CUX1: variants seen among roughly 807,000 people sequenced by gnomAD.
CUX1 encodes the protein protein CASP.
CUX1 carries 31 observed loss-of-function variants against 158.8 expected under a neutral mutation model. The observed-to-expected ratio is 0.20, with a 90% CI of 0.15 to 0.26. The LOEUF (loss-of-function observed/expected upper bound fraction) is 0.26, where lower values mean the gene tolerates loss of function less well. Among genes scored for constraint, CUX1 ranks in the 10% least tolerant of loss-of-function variants. CUX1 has a pLI of 1.00. For missense variants in CUX1, 1,589 were observed against 2,014.6 expected, an observed-to-expected ratio of 0.79 and a Z score of 4.04; for synonymous variants, 879 against 862.1, an observed-to-expected ratio of 1.02 and a Z score of -0.34.
chr7:102,152,170 C>A (rs1226631038), intron 8 of CUX1, among the ~76,000 whole-genome samples: 4 of 152,114 alleles, frequency 2.6e-5, no homozygotes, highest in Non-Finnish European at 4.4e-5. Flanking sequence ...TGTAAGACCC[C>A]TGTCTCTAAA....
At chr7:102,038,909 C>T (rs1195749339) in intron 3 of CUX1, among the ~76,000 whole-genome samples, 1 of 152,074 alleles carries the variant, frequency 6.6e-6, no homozygotes, top group Non-Finnish European at 1.5e-5. Flanking sequence ...AGCAACACTG[C>T]ACCCCAGCCT....
At chr7:102,242,041 GCA>G (rs1163624024) in intron 23 of CUX1, among the ~76,000 whole-genome samples, 2 of 152,164 alleles carry the variant, frequency 1.3e-5, no homozygotes, top group African/African-American at 4.8e-5. Flanking sequence ...CAAAACAGAG[GCA>G]GAGGGAGGCC....
intron 22 of CUX1, among the ~76,000 whole-genome samples, chr7:102,238,610 C>T (rs969749765): frequency 1.3e-5 from 2 of 152,276 alleles, no homozygotes; most frequent in Admixed American, 6.5e-5. Flanking sequence ...CAGCTTGTGT[C>T]CTCGGTCTCT....
At chr7:101,844,929 T>C (rs750055118) in intron 1 of CUX1, among the ~76,000 whole-genome samples, 3 of 152,204 alleles carry the variant, frequency 2.0e-5, no homozygotes, top group Non-Finnish European at 4.4e-5. Flanking sequence ...CTTTATTCTT[T>C]AATGTCACCA....
chr7:101,922,755 G>T (rs1483175817), intron 2 of CUX1, among the ~76,000 whole-genome samples: 2 of 152,218 alleles, frequency 1.3e-5, no homozygotes, highest in African/African-American at 4.8e-5. Context: ...CTGGCCTTGG[G>T]CTGGGTGCTG....
In CUX1 at chr7:102,250,644, C is replaced by T. The variant is rs1392335304; in HGVS notation, c.*1602C>T. ...CTTCAACTTCCAAACCTACCATTTG[C>T]CCTTCTTTCATTTCGCCTCTTAGTT... On this transcript the variant is annotated 3_prime_UTR_variant, in exon 24 of 24. Transcript: ENST00000292535. 1.0e-6 allele frequency: 1 copy of T among 985,296 alleles called. No individual in the cohort carries two copies. Among genetic ancestry groups the T allele is most frequent in the African/African-American group, 1.7e-5 (1 of 57,208 alleles). The allele number at this position is 985,296 out of a possible 1,614,324, so 61.0% of individuals were successfully genotyped here. A position where few individuals can be genotyped will look rare whatever the true frequency, so the allele number is the denominator to read the frequency against.
chr7:102,203,812 T>C (rs1467040909), intron 18 of CUX1, among the ~76,000 whole-genome samples: 2 of 152,102 alleles, frequency 1.3e-5, no homozygotes, highest in East Asian at 3.9e-4. Context: ...TCGGCAATCA[T>C]CTGCGGCGGA....
At position 102,249,122 on chromosome 7, in the gene CUX1, A is replaced by ACCGTGGCCTGGGCTTGGC. The variant is rs1801190965; in HGVS notation, c.*84_*101dup. The ACCGTGGCCTGGGCTTGGC allele has an allele frequency of 8.5e-7, 1 of 1,176,240 alleles. No individual in the cohort carries two copies. Among genetic ancestry groups the ACCGTGGCCTGGGCTTGGC allele is most frequent in the South Asian group, 3.9e-5 (1 of 25,366 alleles). The allele number at this position is 1,176,240 out of a possible 1,614,324, so 72.9% of individuals were successfully genotyped here. ...GTCGGACGGGGCAGGCGCTGCGGAC[A>ACCGTGGCCTGGGCTTGGC]CCGTGGCCTGGGCTTGGCCCGCGGC... On this transcript the variant is annotated 3_prime_UTR_variant, in exon 24 of 24. Transcript: ENST00000292535.
intron 1 of CUX1, among the ~76,000 whole-genome samples, chr7:101,897,207 C>T (rs1801612214): frequency 1.3e-5 from 2 of 152,260 alleles, no homozygotes; most frequent in African/African-American, 4.8e-5. Context: ...TGGATGACAG[C>T]GCAGAGTTTT....
rs568272174 is a variant in CUX1 at position 101,862,639 on chromosome 7, A to G, written c.30+44970A>G. The stretch of plus-strand genomic sequence containing the variant: ...TATAAAAAGGTGGGATTTCACACTG[A>G]CATAATTTACATCGAGGGACATATT... On this transcript the variant is annotated intron_variant, in intron 1 of 23. Coordinates refer to ENST00000292535, the MANE Select transcript of CUX1 (RefSeq NM_181552.4). Among the ~76,000 whole-genome samples the G allele has an allele frequency of 2.4e-3, 362 of 152,258 alleles. 1 individual carries two copies. Among genetic ancestry groups the G allele is most frequent in the African/African-American group, 8.3e-3 (343 of 41,554 alleles).
intron 1 of CUX1, among the ~76,000 whole-genome samples, chr7:101,842,836 G>T (rs1795306014): frequency 2.9e-5 from 4 of 139,180 alleles, no homozygotes; most frequent in African/African-American, 5.3e-5. Context: ...TGTTTTTCAT[G>T]TTAAATTCTA....
chr7:102,047,827 T>A (rs1343942385), intron 3 of CUX1, among the ~76,000 whole-genome samples: 1 of 152,152 alleles, frequency 6.6e-6, no homozygotes, highest in Admixed American at 6.5e-5. Flanking sequence ...GTTCCATCAA[T>A]TTAATGCAGT....
At chr7:102,245,538 G>T (rs187514498) in intron 23 of CUX1, among the ~76,000 whole-genome samples, 1 of 152,138 alleles carries the variant, frequency 6.6e-6, no homozygotes. Context: ...CACAAACAGC[G>T]GCTGGATAGG....
rs1276983841 is a variant in CUX1 at position 102,254,010 on chromosome 7, G to C, written c.*4968G>C. On this transcript the variant is annotated 3_prime_UTR_variant, in exon 24 of 24. Transcript: ENST00000292535. ...AACTGTGAGGCACGTGGGCTGGAGA[G>C]AGCAGAAAAGCTGCCAGCGCAGCAG... The C allele has an allele frequency of 2.0e-6, 2 of 985,370 alleles. No homozygotes were observed. The highest frequency in any genetic ancestry group is 3.5e-5 in the African/African-American group (2 of 57,232). 61.0% of individuals were successfully genotyped at this position (985,370 alleles called of 1,614,324 possible). A position where few individuals can be genotyped will look rare whatever the true frequency, so the allele number is the denominator to read the frequency against.
chr7:102,043,323 CTG>C (rs57276921), intron 3 of CUX1, among the ~76,000 whole-genome samples: 11,640 of 138,966 alleles, frequency 0.084, 530 homozygotes, highest in African/African-American at 0.14. Flanking sequence ...CATTAGCTCA[CTG>C]TGTGTGTGTG....
rs912924583 is a variant in CUX1 at position 102,253,759 on chromosome 7, G to A, written c.*4717G>A. 16 of 985,464 alleles carry A rather than the reference G, an allele frequency of 1.6e-5. No homozygotes were observed. The highest frequency in any genetic ancestry group is 4.7e-5 in the South Asian group (1 of 21,292). The allele number at this position is 985,464 out of a possible 1,614,324, so 61.0% of individuals were successfully genotyped here. ...CATAGACCTTACTCATCCCAAGGCC[G>A]ACAAGCCAGCTGTACAGGGCGAGAT... On this transcript the variant is annotated 3_prime_UTR_variant, in exon 24 of 24. Coordinates refer to ENST00000292535, the MANE Select transcript of CUX1 (RefSeq NM_181552.4).
intron 2 of CUX1, among the ~76,000 whole-genome samples, chr7:101,983,777 G>A (rs1813803038): frequency 6.6e-6 from 1 of 151,946 alleles, no homozygotes; most frequent in South Asian, 2.1e-4. Context: ...CCAGGAGGTG[G>A]GCACCAAGCC....
At chr7:102,133,745 G>A (rs1240440012) in intron 8 of CUX1, among the ~76,000 whole-genome samples, 1 of 152,102 alleles carries the variant, frequency 6.6e-6, no homozygotes, top group Non-Finnish European at 1.5e-5. Flanking sequence ...AAAGTGCTGG[G>A]ACTACAGGCG....
At chr7:101,825,706 A>G (rs1174775007) in intron 1 of CUX1, among the ~76,000 whole-genome samples, 1 of 151,448 alleles carries the variant, frequency 6.6e-6, no homozygotes, top group African/African-American at 2.4e-5. Context: ...CTGTGTTGGT[A>G]TATAATTATG....
Sources: allele counts gnomAD v4.1 joint callset (sites outside exome capture counted in the v4.1 genomes callset), GRCh38; gene constraint gnomAD v4.1.1; transcripts MANE v1.5; gene names NCBI Gene and HGNC (gene_info 2026-07-23, HGNC 2026-07-21).